The following CPPED1 variants were observed in gnomAD, a reference collection of about 807,000 sequenced individuals.
CPPED1 encodes calcineurin like phosphoesterase domain containing 1.
A neutral mutation model predicts 28.0 loss-of-function variants in CPPED1; 28 were observed. That is an observed-to-expected ratio of 1.00 (90% CI 0.74 to 1.37). The LOEUF (loss-of-function observed/expected upper bound fraction) is 1.37. Ranked by LOEUF, CPPED1 falls within the 40% of genes most tolerant of loss-of-function variation. The pLI is 0.00. For synonymous variants in CPPED1, 198 were observed against 180.2 expected, an observed-to-expected ratio of 1.10 and a Z score of -0.79; for missense variants, 504 against 416.5, an observed-to-expected ratio of 1.21 and a Z score of -1.83.
At chr16:12,738,105 C>T (rs1208745413) in intron 2 of CPPED1, among the ~76,000 whole-genome samples, 1 of 151,974 alleles carries the variant, frequency 6.6e-6, no homozygotes, top group Non-Finnish European at 1.5e-5. Context: ...TTCATGTATC[C>T]GGGAGATAAT....
At position 12,704,687 on chromosome 16, in the gene CPPED1, C is replaced by T. The variant is rs771021460; in HGVS notation, c.652G>A (p.Asp218Asn). The T allele has an allele frequency of 5.6e-6, 9 of 1,614,026 alleles. No homozygotes were observed. Among genetic ancestry groups the T allele is most frequent in the African/African-American group, 4.0e-5 (3 of 74,922 alleles). The change falls in exon 3 of 4, where the codon GAC (aspartate) becomes AAC (asparagine). Residue 218 changes from aspartate to asparagine, a missense_variant. By Grantham distance (23) the Asp-to-Asn change is conservative (BLOSUM62 1). Coordinates refer to ENST00000381774, the MANE Select transcript of CPPED1 (RefSeq NM_018340.3). ...GACTTGCTGAGGTTGAAGTAGTAGT[C>T]GTCGTCCTCGTCGATGCTCTCCAGG... is the stretch of plus-strand genomic sequence containing the variant. ...LFLESIDEDD[D>N]YYFNLSKSTR...
At chr16:12,731,329 A>G (rs1567289124) in intron 2 of CPPED1, among the ~76,000 whole-genome samples, 1 of 150,096 alleles carries the variant, frequency 6.7e-6, no homozygotes, top group Non-Finnish European at 1.5e-5. Context: ...GATTTTTTGT[A>G]TTGTTAGTAG....
At chr16:12,699,318 T>G (rs1040747855) in intron 3 of CPPED1, among the ~76,000 whole-genome samples, 1 of 152,176 alleles carries the variant, frequency 6.6e-6, no homozygotes, top group Non-Finnish European at 1.5e-5. Context: ...CTATTGACAA[T>G]GTTTTTGTAT....
rs575250282 is a variant in CPPED1 at position 12,675,606 on chromosome 16, T to C, written c.716-10491A>G. ...GAGATGCAACCCAGTACAATTCTGA[T>C]ACTAAACACTGGCCTTCTTTAATGC... is the stretch of plus-strand genomic sequence containing the variant. On this transcript the variant is annotated intron_variant, in intron 3 of 3. Coordinates refer to ENST00000381774, the MANE Select transcript of CPPED1 (RefSeq NM_018340.3). Among the ~76,000 whole-genome samples the C allele has an allele frequency of 7.2e-5, 11 of 152,344 alleles. No homozygotes were observed. The South Asian group carries it at 2.1e-3, about 29-fold the overall frequency.
At chr16:12,680,404 G>A (rs993121105) in intron 3 of CPPED1, among the ~76,000 whole-genome samples, 6 of 152,004 alleles carry the variant, frequency 3.9e-5, no homozygotes, top group Non-Finnish European at 7.4e-5. Context: ...CCCCCACACT[G>A]CTATGTAAAA....
chr16:12,761,786 G>A (rs865991554), intron 2 of CPPED1, among the ~76,000 whole-genome samples: 1 of 152,126 alleles, frequency 6.6e-6, no homozygotes, highest in Non-Finnish European at 1.5e-5. Flanking sequence ...CGAGGCGGGC[G>A]GATCACTTGA....
rs187998628 is a variant in CPPED1, at chr16:12,673,324, G to A, written c.716-8209C>T. On this transcript the variant is annotated intron_variant, in intron 3 of 3. Transcript: ENST00000381774. ...TAAGATCAGCCCTGCCTGGGGGAAC[G>A]CTGAACGGCTGGACAGAAAGCACTT... Among the ~76,000 whole-genome samples, 454 of 152,334 alleles carry A rather than the reference G, an allele frequency of 3.0e-3. 5 individuals carry two copies. Among genetic ancestry groups the A allele is most frequent in the African/African-American group, 0.01 (429 of 41,574 alleles).
Position 12,784,831 on chromosome 16 carries a change from G to A in CPPED1, c.71-3428C>T, listed in dbSNP as rs115817760. On this transcript the variant is annotated intron_variant, in intron 1 of 3. Coordinates refer to ENST00000381774, the MANE Select transcript of CPPED1 (RefSeq NM_018340.3). ...ATTTTAACAAATCGTTTCCTATGAC[G>A]AATAGTCAGAATTTCAAAAAGTCAA... 7.9e-3 allele frequency among the ~76,000 whole-genome samples: 1,201 copies of A among 152,254 alleles called. 19 individuals are homozygous for A. The highest frequency in any genetic ancestry group is 0.027 in the African/African-American group (1,107 of 41,534).
At chr16:12,746,318 G>A (rs1329325649) in intron 2 of CPPED1, among the ~76,000 whole-genome samples, 3 of 145,866 alleles carry the variant, frequency 2.1e-5, no homozygotes, top group Non-Finnish European at 3.0e-5. Context: ...GAGTTACAGT[G>A]AGCTGAGAGT....
chr16:12,728,834 G>T (rs1424914485), intron 2 of CPPED1, among the ~76,000 whole-genome samples: 2 of 152,184 alleles, frequency 1.3e-5, no homozygotes, highest in Admixed American at 1.3e-4. Context: ...AGGCCCAGGA[G>T]TTCGAGCCCA....
In CPPED1 at chr16:12,679,805, C is replaced by T. The variant is rs573745509; in HGVS notation, c.716-14690G>A. Among the ~76,000 whole-genome samples the T allele has an allele frequency of 2.0e-5, 3 of 152,270 alleles. No individual in the cohort carries two copies. In the South Asian group the frequency reaches 6.2e-4, roughly 32 times the overall value. ...CTCAAGGTCTCTCTGACCTTCCCTC[C>T]CCAAGAGCAGTGACAGACTGTCTCT... On this transcript the variant is annotated intron_variant, in intron 3 of 3. Transcript: ENST00000381774.
intron 2 of CPPED1, among the ~76,000 whole-genome samples, chr16:12,718,055 T>G (rs1471056981): frequency 2.0e-5 from 3 of 152,250 alleles, no homozygotes; most frequent in Non-Finnish European, 4.4e-5. Context: ...AAGACTACAC[T>G]GTCTCCTGGT....
intron 2 of CPPED1, among the ~76,000 whole-genome samples, chr16:12,766,841 G>A (rs1161183595): frequency 6.6e-6 from 1 of 152,218 alleles, no homozygotes; most frequent in East Asian, 1.9e-4. Context: ...CTTCTGCTCA[G>A]AGGGCTGGTC....
At chr16:12,673,776 G>C (rs1027903208) in intron 3 of CPPED1, among the ~76,000 whole-genome samples, 3 of 152,210 alleles carry the variant, frequency 2.0e-5, no homozygotes, top group African/African-American at 7.2e-5. Context: ...GCCGGGTGCG[G>C]TGGCTCCCAC....
At chr16:12,775,021 T>C (rs1307253665) in intron 2 of CPPED1, among the ~76,000 whole-genome samples, 1 of 152,196 alleles carries the variant, frequency 6.6e-6, no homozygotes, top group Non-Finnish European at 1.5e-5. Flanking sequence ...GGTTTCACTA[T>C]GTTGTCCAGG....
At chr16:12,666,033 T>C (rs1412130966) in intron 3 of CPPED1, among the ~76,000 whole-genome samples, 1 of 152,058 alleles carries the variant, frequency 6.6e-6, no homozygotes, top group Non-Finnish European at 1.5e-5. Flanking sequence ...AGGTTATCGC[T>C]TGAACCCAAG....
At chr16:12,759,332 C>T (rs3859029) in intron 2 of CPPED1, 10,455 of 152,224 alleles carry the variant, frequency 0.069, 424 homozygotes, top group Non-Finnish European at 0.083. Flanking sequence ...CTGGGATCCC[C>T]GCCTCTGCTG....
At chr16:12,702,060 T>A (rs754710763) in intron 3 of CPPED1, among the ~76,000 whole-genome samples, 2 of 152,186 alleles carry the variant, frequency 1.3e-5, no homozygotes, top group African/African-American at 2.4e-5. Context: ...ATTAATCAAC[T>A]GCCATTCTGG....
chr16:12,762,645 C>G (rs1207342491), intron 2 of CPPED1, among the ~76,000 whole-genome samples: 2 of 152,132 alleles, frequency 1.3e-5, no homozygotes. Flanking sequence ...AATCTACACA[C>G]GGACAGTGGA....
Sources: allele counts gnomAD v4.1 joint callset (sites outside exome capture counted in the v4.1 genomes callset), GRCh38; gene constraint gnomAD v4.1.1; transcripts MANE v1.5; gene names NCBI Gene and HGNC (gene_info 2026-07-23, HGNC 2026-07-21).